Variants in SMYD4 observed in about 807,000 individuals in gnomAD.
SMYD4 encodes the protein SET and MYND domain containing 4.
In SMYD4, 68 loss-of-function variants were observed where a neutral mutation model predicts 72.8. That is an observed-to-expected ratio of 0.93 (90% CI 0.77 to 1.14). SMYD4 has a LOEUF of 1.14. Ranked by LOEUF, SMYD4 falls within the 50% of genes most tolerant of loss-of-function variation. SMYD4 has a pLI of 0.00. For missense variants in SMYD4, 984 were observed against 1,003.7 expected (o/e 0.98, Z 0.27); for synonymous variants, 407 against 388.6 (o/e 1.05, Z -0.56).
intron 5 of SMYD4, among the ~76,000 whole-genome samples, chr17:1,797,400 T>C (rs1385894383): frequency 6.6e-6 from 1 of 152,250 alleles, no homozygotes; most frequent in Non-Finnish European, 1.5e-5. Context: ...AATAGTTGTA[T>C]CTGTTGTCAG....
chr17:1,788,107 C>T (rs928586467), intron 5 of SMYD4, among the ~76,000 whole-genome samples: 13 of 152,066 alleles, frequency 8.5e-5, no homozygotes, highest in Non-Finnish European at 1.5e-4. Flanking sequence ...CCTGAAATCC[C>T]GAGGCTCACG....
At chr17:1,812,679 G>A (rs1468543810) in intron 2 of SMYD4, among the ~76,000 whole-genome samples, 2 of 150,254 alleles carry the variant, frequency 1.3e-5, no homozygotes, top group African/African-American at 4.9e-5. Flanking sequence ...CTCCTGAATA[G>A]GTGGGATTAC....
intron 5 of SMYD4, among the ~76,000 whole-genome samples, chr17:1,789,136 C>T (rs1158735447): frequency 1.3e-5 from 2 of 152,192 alleles, no homozygotes; most frequent in Non-Finnish European, 2.9e-5. Context: ...GCCTGTAATC[C>T]CAGCACTTTG....
chr17:1,816,709 C>A (rs529015441), intron 2 of SMYD4, among the ~76,000 whole-genome samples: 9 of 151,776 alleles, frequency 5.9e-5, no homozygotes, highest in African/African-American at 1.9e-4. Context: ...CTAACCTGGG[C>A]AACAGGCACA....
chr17:1,816,109 C>T (rs993371171), intron 2 of SMYD4, among the ~76,000 whole-genome samples: 42 of 152,124 alleles, frequency 2.8e-4, no homozygotes, highest in South Asian at 6.2e-4. Context: ...CATGCTGAAA[C>T]TCTACCCATT....
At chr17:1,814,184 A>C (rs1209893690) in intron 2 of SMYD4, among the ~76,000 whole-genome samples, 2 of 152,146 alleles carry the variant, frequency 1.3e-5, no homozygotes, top group Non-Finnish European at 2.9e-5. Flanking sequence ...ATATGCCTGT[A>C]GTCCCAGCTA....
intron 2 of SMYD4, among the ~76,000 whole-genome samples, chr17:1,827,314 G>A (rs932377291): frequency 2.0e-5 from 3 of 151,128 alleles, no homozygotes; most frequent in Admixed American, 6.6e-5. Flanking sequence ...ACTCTAGCCT[G>A]GGTGACAGAG....
intron 7 of SMYD4, among the ~76,000 whole-genome samples, chr17:1,785,872 G>A (rs1454038055): frequency 6.6e-6 from 1 of 152,094 alleles, no homozygotes; most frequent in Non-Finnish European, 1.5e-5. Context: ...AACCGGCTCT[G>A]CCTTTCACTC....
In SMYD4 at chr17:1,780,803, T is replaced by C. The variant is rs147793690; in HGVS notation, c.*483A>G. 6.6e-6 allele frequency: 1 copy of C among 152,654 alleles called. No individual in the cohort carries two copies. The highest frequency in any genetic ancestry group is 1.5e-5 in the Non-Finnish European group (1 of 68,622). The allele number at this position is 152,654 out of a possible 1,614,324, so 9.5% of individuals were successfully genotyped here. ...CGCCCGACTAATTTTTTTGTATTTT[T>C]AGTAGAGACGGGGTTTCACCGTGTT... On this transcript the variant is annotated 3_prime_UTR_variant, in exon 11 of 11. Coordinates refer to ENST00000305513, the MANE Select transcript of SMYD4 (RefSeq NM_052928.3).
At position 1,800,245 on chromosome 17, in the gene SMYD4, T is replaced by C; in HGVS notation, c.1149A>G (p.Glu383=). 6.2e-7 allele frequency: 1 copy of C among 1,614,204 alleles called. No homozygotes were observed. The highest frequency in any genetic ancestry group is 8.5e-7 in the Non-Finnish European group (1 of 1,180,046). Residue 383 remains glutamate (E), a synonymous_variant, in exon 5 of 11, where the codon GAA becomes GAG. Coordinates refer to ENST00000305513, the MANE Select transcript of SMYD4 (RefSeq NM_052928.3). ...KISNKDICLP[E]SNNQVKTLNY... ...TAAGTGTCTTGACCTGATTGTTGCT[T>C]TCAGGTAAACAGATGTCCTTGTTAC...
chr17:1,807,359 CTTTCGCCCA>C (rs1242093687), intron 3 of SMYD4, among the ~76,000 whole-genome samples: 4 of 149,276 alleles, frequency 2.7e-5, no homozygotes, highest in Non-Finnish European at 5.9e-5. Flanking sequence ...GAGTTTCGCT[CTTTCGCCCA>C]GGCTGGAGTG....
rs867467880 is a variant in SMYD4 at position 1,783,511 on chromosome 17, C to A, written c.2021-35G>T. 2.5e-6 allele frequency: 4 copies of A among 1,569,128 alleles called. No homozygotes were observed. In the South Asian group the frequency reaches 4.6e-5, roughly 18 times the overall value. ...CAGAGGAAAGACGTCTCACTATAGA[C>A]AGAAGCCCAGTCCTAGGAATGAGAA... On this transcript the variant is annotated intron_variant, in intron 8 of 10. Transcript: ENST00000305513.
intron 10 of SMYD4, 190 bp from the exon 11 acceptor site, chr17:1,781,629 A>G: frequency 5.5e-6 from 3 of 544,294 alleles, no homozygotes; most frequent in Non-Finnish European, 9.0e-6. Context: ...GTTATAAAAG[A>G]TAGTATAGAC....
At chr17:1,784,595 G>GA (rs1233084012) in intron 7 of SMYD4, 134 bp from the exon 8 acceptor site, 34 of 1,471,652 alleles carry the variant, frequency 2.3e-5, no homozygotes, top group Non-Finnish European at 2.7e-5. Flanking sequence ...ACATCGTGAC[G>GA]AAAGTCTGAG....
intron 4 of SMYD4, among the ~76,000 whole-genome samples, chr17:1,801,269 C>T (rs1014154633): frequency 2.0e-5 from 3 of 151,762 alleles, no homozygotes; most frequent in South Asian, 2.1e-4. Flanking sequence ...GACGGAGTCT[C>T]GCTCTGTCGC....
Position 1,781,407 on chromosome 17 carries a change from T to C in SMYD4, c.2294A>G (p.Gln765Arg), listed in dbSNP as rs767021344. The change falls in exon 11 of 11, where the codon CAG becomes CGG. Residue 765 changes from glutamine (Q) to arginine (R), a missense_variant. Transcript: ENST00000305513. ...CAGCGACAGAACCTCCTCAGCTTTC[T>C]GTATTGTGCTCAGGGCTTCGGGTAC... ...FAVPEALSTI[Q>R]KAEEVLSLHC... The C allele has an allele frequency of 2.5e-6, 4 of 1,614,130 alleles. No individual in the cohort carries two copies. The South Asian group carries it at 3.3e-5, about 13-fold the overall frequency.
chr17:1,798,598 A>T (rs1157613269), intron 5 of SMYD4, among the ~76,000 whole-genome samples: 1 of 151,924 alleles, frequency 6.6e-6, no homozygotes, highest in Non-Finnish European at 1.5e-5. Flanking sequence ...CCTCATCTCT[A>T]TTAAAAAAAT....
chr17:1,822,666 C>T (rs373735915), intron 2 of SMYD4, among the ~76,000 whole-genome samples: 15 of 152,164 alleles, frequency 9.9e-5, no homozygotes, highest in Admixed American at 3.3e-4. Context: ...TCATTCACCA[C>T]GTTGCCCAGG....
chr17:1,823,898 A>C (rs1410300905), intron 2 of SMYD4, among the ~76,000 whole-genome samples: 2 of 152,170 alleles, frequency 1.3e-5, no homozygotes, highest in African/African-American at 2.4e-5. Flanking sequence ...CACATGAAGA[A>C]ATACACATTC....
Sources: allele counts gnomAD v4.1 joint callset (sites outside exome capture counted in the v4.1 genomes callset), GRCh38; gene constraint gnomAD v4.1.1; transcripts MANE v1.5; gene names NCBI Gene and HGNC (gene_info 2026-07-23, HGNC 2026-07-21).